SOX6: variants seen among roughly 807,000 people sequenced by gnomAD.
SOX6 encodes transcription factor SOX-6.
Under a neutral mutation model 97.8 loss-of-function variants are expected in SOX6, and 11 were observed. The ratio of observed to expected loss-of-function variants is 0.11; its 90% CI spans 0.07 to 0.19. The LOEUF is 0.19. Ranked by LOEUF, SOX6 falls within the 10% of genes least tolerant of loss-of-function variation. The pLI is 1.00. For synonymous variants in SOX6, 360 were observed against 371.4 expected, an observed-to-expected ratio of 0.97 and a Z score of 0.35; for missense variants, 810 against 1,039.5, an observed-to-expected ratio of 0.78 and a Z score of 3.04.
intron 6 of SOX6, among the ~76,000 whole-genome samples, chr11:16,155,127 T>G (rs1850563497): frequency 6.6e-6 from 1 of 152,108 alleles, no homozygotes; most frequent in Non-Finnish European, 1.5e-5. Context: ...AATTCCCAAC[T>G]TGGCAAATGA....
chr11:16,388,334 T>C (rs1204036905), intron 1 of SOX6, among the ~76,000 whole-genome samples: 1 of 152,150 alleles, frequency 6.6e-6, no homozygotes, highest in Non-Finnish European at 1.5e-5. Context: ...TTGTTAAAGA[T>C]TTTTGCATCT....
At chr11:16,591,113 T>C (rs1848145071) in intron 4 of SOX6, among the ~76,000 whole-genome samples, 1 of 152,080 alleles carries the variant, frequency 6.6e-6, no homozygotes, top group Non-Finnish European at 1.5e-5. Context: ...CTGTATACCA[T>C]GGTAAAATCT....
intron 4 of SOX6, among the ~76,000 whole-genome samples, chr11:16,532,523 T>G (rs1334751757): frequency 6.6e-6 from 1 of 151,924 alleles, no homozygotes; most frequent in Non-Finnish European, 1.5e-5. Flanking sequence ...GAAAACTGGT[T>G]TCTTGTAGTC....
intron 1 of SOX6, among the ~76,000 whole-genome samples, chr11:16,416,042 T>G (rs1307447748): frequency 1.3e-5 from 2 of 152,150 alleles, no homozygotes; most frequent in Non-Finnish European, 2.9e-5. Flanking sequence ...TGCCTACCTC[T>G]CCGTACAATG....
intron 4 of SOX6, among the ~76,000 whole-genome samples, chr11:16,521,852 T>G (rs367587383): frequency 6.6e-6 from 1 of 152,078 alleles, no homozygotes; most frequent in African/African-American, 2.4e-5. Context: ...CAGGAGCCGA[T>G]GTGATCAACT....
rs1016972062 is a variant in SOX6 at position 16,002,089 on chromosome 11, C to T, written c.1732+12853G>A. Among the ~76,000 whole-genome samples the T allele has an allele frequency of 1.4e-3, 210 of 152,270 alleles. 1 individual carries two copies. The highest frequency in any genetic ancestry group is 4.9e-3 in the African/African-American group (205 of 41,566). ...TATGTTTAGATTAGCCCATTTCCTG[C>T]TTAGGATTGCTCAAGATGTCTTTTG... On this transcript the variant is annotated intron_variant, in intron 13 of 15. Transcript: ENST00000683767.
At chr11:16,452,034 GT>G (rs2133097206) in intron 1 of SOX6, among the ~76,000 whole-genome samples, 1 of 119,824 alleles carries the variant, frequency 8.3e-6, no homozygotes, top group East Asian at 2.9e-4. Context: ...TAAAAAGCAC[GT>G]TTAAGTGATA....
intron 12 of SOX6, among the ~76,000 whole-genome samples, chr11:16,018,022 G>C (rs1216842386): frequency 6.6e-6 from 1 of 152,016 alleles, no homozygotes; most frequent in East Asian, 1.9e-4. Flanking sequence ...AAAAGTTATT[G>C]AAAAAAATTA....
Position 16,484,289 on chromosome 11 carries a change from G to A in SOX6, n.610-7901C>T, listed in dbSNP as rs144232218. Reference sequence around the variant, plus strand: ...GGTGTCACTGGGAACCACATTGCCCGACTCATCCAATGGGGAAAATTCCCT... The same window carrying A: ...GGTGTCACTGGGAACCACATTGCCCAACTCATCCAATGGGGAAAATTCCCT... On this transcript the variant is annotated intron_variant and non_coding_transcript_variant, in intron 4 of 5. Transcript: ENST00000524520. 5.1e-3 allele frequency: 5,659 copies of A among 1,116,284 alleles called. 200 individuals carry two copies. In the African/African-American group the frequency reaches 0.076, roughly 15 times the overall value. The allele number at this position is 1,116,284 out of a possible 1,614,324, so 69.1% of individuals were successfully genotyped here. A position where few individuals can be genotyped will look rare whatever the true frequency, so the allele number is the denominator to read the frequency against.
At chr11:16,649,396 A>C (rs1186686972) in intron 3 of SOX6, among the ~76,000 whole-genome samples, 8 of 152,228 alleles carry the variant, frequency 5.3e-5, no homozygotes, top group Non-Finnish European at 1.0e-4. Context: ...TACAGAGGAA[A>C]ACCTATCAGA....
intron 9 of SOX6, among the ~76,000 whole-genome samples, chr11:16,093,600 G>A (rs568654794): frequency 6.6e-6 from 1 of 151,936 alleles, no homozygotes; most frequent in East Asian, 1.9e-4. Context: ...TGCATGCAGT[G>A]GGGTGGGGGA....
chr11:16,523,698 G>C (rs1254712891), intron 4 of SOX6, among the ~76,000 whole-genome samples: 1 of 152,072 alleles, frequency 6.6e-6, no homozygotes, highest in African/African-American at 2.4e-5. Flanking sequence ...CCAGGAGCTG[G>C]TTTTTTGAAA....
chr11:16,057,909 T>C (rs1211383385), intron 9 of SOX6, among the ~76,000 whole-genome samples: 1 of 152,148 alleles, frequency 6.6e-6, no homozygotes, highest in Non-Finnish European at 1.5e-5. Context: ...TTTCCTTCTC[T>C]AAAAGCATCA....
At chr11:16,571,150 T>C (rs1847934130) in intron 4 of SOX6, among the ~76,000 whole-genome samples, 1 of 152,170 alleles carries the variant, frequency 6.6e-6, no homozygotes, top group Non-Finnish European at 1.5e-5. Flanking sequence ...ATGTATTTTG[T>C]CATGCCAAAA....
chr11:16,543,582 C>T (rs948497342), intron 4 of SOX6, among the ~76,000 whole-genome samples: 1 of 152,042 alleles, frequency 6.6e-6, no homozygotes, highest in African/African-American at 2.4e-5. Context: ...ACATAAAGAA[C>T]TCTTACAACT....
intron 1 of SOX6, among the ~76,000 whole-genome samples, chr11:16,442,825 G>T (rs1182161724): frequency 6.6e-6 from 1 of 152,066 alleles, no homozygotes; most frequent in African/African-American, 2.4e-5. Context: ...GCACTAAAAA[G>T]TATGTGTCAG....
At chr11:16,617,064 A>G (rs148464964) in intron 3 of SOX6, among the ~76,000 whole-genome samples, 1 of 151,912 alleles carries the variant, frequency 6.6e-6, no homozygotes, top group South Asian at 2.1e-4. Context: ...ATCTTCCCAA[A>G]TTCAAACAAA....
chr11:16,486,453 GT>G (rs1339972474), intron 4 of SOX6, among the ~76,000 whole-genome samples: 1 of 151,660 alleles, frequency 6.6e-6, no homozygotes, highest in Non-Finnish European at 1.5e-5. Context: ...CTTAATAATA[GT>G]TTTTAAAAAG....
chr11:15,974,309 C>G (rs1443798387), intron 15 of SOX6, among the ~76,000 whole-genome samples: 1 of 148,024 alleles, frequency 6.8e-6, no homozygotes, highest in Non-Finnish European at 1.5e-5. Context: ...CAGGAAAATA[C>G]TCTGAATCTA....
Sources: allele counts gnomAD v4.1 joint callset (sites outside exome capture counted in the v4.1 genomes callset), GRCh38; gene constraint gnomAD v4.1.1; transcripts MANE v1.5; gene names NCBI Gene and HGNC (gene_info 2026-07-23, HGNC 2026-07-21).